TMC1: variants seen among roughly 807,000 people sequenced by gnomAD.
TMC1 encodes transmembrane channel like 1.
In TMC1, 84 loss-of-function variants were observed where a neutral mutation model predicts 105.8. The observed-to-expected ratio is 0.79, with a 90% confidence interval of 0.67 to 0.95. The LOEUF (loss-of-function observed/expected upper bound fraction) is 0.95, where lower values mean the gene tolerates loss of function less well. Ranked by LOEUF, TMC1 falls within the 40% of genes least tolerant of loss-of-function variation. The probability of loss-of-function intolerance (pLI) is 0.00; values close to 1 mark genes in which losing one functional copy is unlikely to be tolerated. For missense variants in TMC1, 817 were observed against 914.1 expected (o/e 0.89, Z 1.37); for synonymous variants, 315 against 311.5 (o/e 1.01, Z -0.12).
chr9:72,522,534 C>T (rs539728435), intron 1 of TMC1, among the ~76,000 whole-genome samples: 2 of 152,154 alleles, frequency 1.3e-5, no homozygotes, highest in African/African-American at 4.8e-5. Flanking sequence ...TAAAGGGGGA[C>T]AGTGAGCACA....
At chr9:72,564,154 A>AT (rs1266344851) in intron 1 of TMC1, among the ~76,000 whole-genome samples, 2 of 152,026 alleles carry the variant, frequency 1.3e-5, no homozygotes, top group Admixed American at 6.6e-5. Context: ...TACCAATGCC[A>AT]TTTTTTGTTG....
Position 72,791,899 on chromosome 9 carries a change from T to C in TMC1, c.1238T>C (p.Met413Thr). The C allele has an allele frequency of 1.9e-6, 3 of 1,612,594 alleles. No individual in the cohort carries two copies. Among genetic ancestry groups the C allele is most frequent in the Non-Finnish European group, 1.7e-6 (2 of 1,179,770 alleles). The change falls in exon 16 of 24, where the codon ATG (methionine) becomes ACG (threonine). Residue 413 changes from methionine to threonine, a missense_variant. Coordinates refer to ENST00000297784, the MANE Select transcript of TMC1 (RefSeq NM_138691.3). ...GCCTCCTTGTAGATGAACATGGTTA[T>C]GTCCCTCCTAGGGATGTTCTGTCCA... ...WWEKNEMNMV[M>T]SLLGMFCPTL...
At chr9:72,644,077 T>A (rs1225366563) in intron 4 of TMC1, among the ~76,000 whole-genome samples, 1 of 152,160 alleles carries the variant, frequency 6.6e-6, no homozygotes, top group Non-Finnish European at 1.5e-5. Context: ...TCTTCCTTGG[T>A]CAAATATCTG....
chr9:72,621,570 A>G (rs565891252), intron 3 of TMC1, among the ~76,000 whole-genome samples: 1 of 152,322 alleles, frequency 6.6e-6, no homozygotes, highest in South Asian at 2.1e-4. Context: ...CTTTAGTTTT[A>G]TCTCTGCTTT....
At chr9:72,820,135 A>G (rs192879331) in intron 19 of TMC1, among the ~76,000 whole-genome samples, 1 of 152,338 alleles carries the variant, frequency 6.6e-6, no homozygotes, top group East Asian at 1.9e-4. Flanking sequence ...TGGAATTTTC[A>G]TCTCAAAAAC....
At chr9:72,743,223 C>G (rs905359904) in intron 10 of TMC1, among the ~76,000 whole-genome samples, 1 of 150,990 alleles carries the variant, frequency 6.6e-6, no homozygotes, top group African/African-American at 2.4e-5. Flanking sequence ...AAAAATTAGC[C>G]GGGCGTAGTG....
chr9:72,700,479 G>A (rs773270450), intron 7 of TMC1, 39 bp from the exon 8 acceptor site: 3 of 1,527,866 alleles, frequency 2.0e-6, no homozygotes, highest in Non-Finnish European at 2.7e-6. Flanking sequence ...GTCAAGCAAA[G>A]CTTAACTTTA....
intron 3 of TMC1, among the ~76,000 whole-genome samples, chr9:72,617,644 C>T (rs1825157449): frequency 6.6e-6 from 1 of 151,964 alleles, no homozygotes; most frequent in South Asian, 2.1e-4. Context: ...AAAATAATAG[C>T]ACCTGAAAAC....
At chr9:72,804,674 AAC>A (rs1828538814) in intron 17 of TMC1, among the ~76,000 whole-genome samples, 1 of 152,206 alleles carries the variant, frequency 6.6e-6, no homozygotes, top group South Asian at 2.1e-4. Flanking sequence ...TCAAGCTCCA[AAC>A]ACTTTAAAAT....
At chr9:72,655,349 T>A (rs60986357) in intron 5 of TMC1, among the ~76,000 whole-genome samples, 81 of 152,310 alleles carry the variant, frequency 5.3e-4, no homozygotes, top group African/African-American at 1.9e-3. Flanking sequence ...ACACGGTACA[T>A]ACAATTACAG....
At chr9:72,562,735 C>CGAAAT (rs1419510300) in intron 1 of TMC1, among the ~76,000 whole-genome samples, 1 of 151,766 alleles carries the variant, frequency 6.6e-6, no homozygotes, top group African/African-American at 2.4e-5. Context: ...AAAATCATAG[C>CGAAAT]GAAATGGTAT....
intron 1 of TMC1, among the ~76,000 whole-genome samples, chr9:72,533,141 T>C (rs958374555): frequency 4.6e-5 from 7 of 152,154 alleles, no homozygotes; most frequent in African/African-American, 1.7e-4. Flanking sequence ...TGTGAGACAG[T>C]GGCCAGGATC....
intron 2 of TMC1, among the ~76,000 whole-genome samples, chr9:72,608,172 GA>G (rs1314702688): frequency 6.6e-6 from 1 of 152,138 alleles, no homozygotes; most frequent in Non-Finnish European, 1.5e-5. Flanking sequence ...AGAAAAAAGA[GA>G]AATGGTCTGT....
At chr9:72,546,825 T>G (rs1823776212) in intron 1 of TMC1, among the ~76,000 whole-genome samples, 1 of 152,228 alleles carries the variant, frequency 6.6e-6, no homozygotes, top group South Asian at 2.1e-4. Flanking sequence ...CTGATTTTCT[T>G]GTGTCTACAT....
chr9:72,625,690 AAAAAAAAAAAAG>A lies in TMC1; in HGVS notation c.-195-2218_-195-2207del, dbSNP rs1410177361. On this transcript the variant is annotated intron_variant, in intron 3 of 23. Coordinates refer to ENST00000297784, the MANE Select transcript of TMC1 (RefSeq NM_138691.3). ...GTGACAGAGCGAGACTCTGTCTCAA[AAAAAAAAAAAAG>A]AAAAAAAAAAAGGAATCAGGGGTTT... Among the ~76,000 whole-genome samples, 6 of 150,860 alleles carry A rather than the reference AAAAAAAAAAAAG, an allele frequency of 4.0e-5. No individual in the cohort carries two copies. The East Asian group carries it at 7.7e-4, about 19-fold the overall frequency.
At chr9:72,600,570 A>G (rs1278197277) in intron 2 of TMC1, among the ~76,000 whole-genome samples, 1 of 152,156 alleles carries the variant, frequency 6.6e-6, no homozygotes, top group African/African-American at 2.4e-5. Context: ...TATCTGGCAA[A>G]ATGAAAAATA....
chr9:72,780,516 A>G (rs556900719), intron 13 of TMC1, among the ~76,000 whole-genome samples: 3 of 152,214 alleles, frequency 2.0e-5, no homozygotes, highest in Non-Finnish European at 4.4e-5. Context: ...CAAGGGACCC[A>G]TCTCACATGC....
chr9:72,720,574 A>C (rs1550758), intron 8 of TMC1, among the ~76,000 whole-genome samples: 34,515 of 151,974 alleles, frequency 0.23, 4,213 homozygotes, highest in East Asian at 0.38. Context: ...TGATAGGTAC[A>C]AGCTCCATTG....
chr9:72,769,040 T>A (rs1827883611), intron 12 of TMC1, among the ~76,000 whole-genome samples: 1 of 152,182 alleles, frequency 6.6e-6, no homozygotes, highest in Admixed American at 6.5e-5. Context: ...GGCACTAGCA[T>A]GATATAACTC....
Sources: gnomAD v4.1 joint callset for allele counts (sites outside exome capture counted in the v4.1 genomes callset) on GRCh38, gnomAD v4.1.1 for gene constraint, MANE v1.5 for transcripts, NCBI Gene and HGNC (gene_info 2026-07-23, HGNC 2026-07-21) for gene names.